The following GABRA3 variants were observed in gnomAD, a reference collection of about 807,000 sequenced individuals.
The protein encoded by GABRA3 is gamma-aminobutyric acid type A receptor subunit alpha3, also known as gamma-aminobutyric acid receptor subunit alpha-3.
A neutral mutation model predicts 30.1 loss-of-function variants in GABRA3; 10 were observed. The ratio of observed to expected loss-of-function variants is 0.33; its 90% CI spans 0.20 to 0.56. The LOEUF (loss-of-function observed/expected upper bound fraction) is 0.56. Among genes scored for constraint, GABRA3 ranks in the 20% least tolerant of loss-of-function variants. The pLI, the probability that GABRA3 is intolerant of heterozygous loss-of-function variation, is 0.89. For missense variants in GABRA3, 233 were observed against 392.0 expected (o/e 0.59, Z 3.42); for synonymous variants, 151 against 146.8 (o/e 1.03, Z -0.21).
chrX:152,375,209 C>T (rs752743119), intron 1 of GABRA3, among the ~76,000 whole-genome samples: 1 of 111,995 alleles, frequency 8.9e-6, no homozygotes, highest in African/African-American at 3.2e-5. Flanking sequence ...AGGCATCACA[C>T]TCCCCGCTTC....
intron 5 of GABRA3, among the ~76,000 whole-genome samples, chrX:152,253,251 G>A (rs1033509056): frequency 9.0e-6 from 1 of 111,034 alleles, no homozygotes; most frequent in Non-Finnish European, 1.9e-5. Flanking sequence ...CCATTTTCAC[G>A]TTTCCATTTG....
intron 3 of GABRA3, among the ~76,000 whole-genome samples, chrX:152,331,902 C>T (rs765490633): frequency 5.5e-4 from 62 of 111,801 alleles, no homozygotes; most frequent in African/African-American, 1.9e-3. Context: ...TTAATATATA[C>T]CTAATTAATG....
At chrX:152,442,737 T>C (rs1228490730) in intron 1 of GABRA3, among the ~76,000 whole-genome samples, 2 of 112,025 alleles carry the variant, frequency 1.8e-5, no homozygotes. Flanking sequence ...AAACAGAATC[T>C]ATTATATATT....
chrX:152,341,699 C>G (rs1205186179), intron 3 of GABRA3, among the ~76,000 whole-genome samples: 2 of 107,793 alleles, frequency 1.9e-5, no homozygotes, highest in Admixed American at 1.0e-4. Context: ...ACCACTACCC[C>G]CCGCTAATTT....
intron 1 of GABRA3, among the ~76,000 whole-genome samples, chrX:152,365,807 A>C (rs1279000056): frequency 9.0e-6 from 1 of 111,677 alleles, no homozygotes; most frequent in Non-Finnish European, 1.9e-5. Flanking sequence ...ATCTATATTA[A>C]GCTGTCTTCA....
At chrX:152,430,148 A>G (rs1930617861) in intron 1 of GABRA3, among the ~76,000 whole-genome samples, 1 of 112,059 alleles carries the variant, frequency 8.9e-6, no homozygotes, top group Non-Finnish European at 1.9e-5. Context: ...GAATATAGTG[A>G]TGACAACTAA....
At chrX:152,255,644 A>G in intron 5 of GABRA3, 134 bp downstream of exon 5, 1 of 508,351 alleles carries the variant, frequency 2.0e-6, no homozygotes, top group South Asian at 3.0e-5. Flanking sequence ...CAATTGTATT[A>G]GGAAGTATAT....
chrX:152,209,356 C>T (rs546108285), intron 6 of GABRA3, among the ~76,000 whole-genome samples: 73 of 111,184 alleles, frequency 6.6e-4, no homozygotes, highest in Non-Finnish European at 8.5e-4. Context: ...TTAACTCTTT[C>T]CACCGTGGAT....
At chrX:152,426,768 A>G (rs1211722636) in intron 1 of GABRA3, among the ~76,000 whole-genome samples, 1 of 112,250 alleles carries the variant, frequency 8.9e-6, no homozygotes. Flanking sequence ...AAAAATGATA[A>G]GAGCAAATAT....
Position 152,321,135 on chromosome X carries a change from A to G in GABRA3, c.262+24446T>C, listed in dbSNP as rs534200393. On this transcript the variant is annotated intron_variant, in intron 3 of 9. Coordinates refer to ENST00000370314, the MANE Select transcript of GABRA3 (RefSeq NM_000808.4). Reference sequence around the variant, plus strand: ...AATTGGATGATTCAAGGTGGAGAATAAGAAGGAAAAGATAGGGTAAAGATA... The same window carrying G: ...AATTGGATGATTCAAGGTGGAGAATGAGAAGGAAAAGATAGGGTAAAGATA... 2.8e-4 allele frequency among the ~76,000 whole-genome samples: 31 copies of G among 111,502 alleles called. No homozygotes were observed. In the East Asian group the frequency reaches 5.4e-3, roughly 19 times the overall value.
chrX:152,448,317 C>T (rs779835519), intron 1 of GABRA3, among the ~76,000 whole-genome samples: 2 of 112,347 alleles, frequency 1.8e-5, no homozygotes, highest in East Asian at 5.6e-4. Context: ...TATTTTTACA[C>T]ATTAAAGTTT....
intron 7 of GABRA3, among the ~76,000 whole-genome samples, chrX:152,199,381 A>G (rs968592782): frequency 1.7e-4 from 19 of 109,136 alleles, no homozygotes; most frequent in Admixed American, 4.9e-4. Flanking sequence ...AAAAAAATAA[A>G]AAAAGCAAAA....
intron 7 of GABRA3, among the ~76,000 whole-genome samples, chrX:152,198,743 T>C (rs1002002289): frequency 8.9e-6 from 1 of 112,083 alleles, no homozygotes; most frequent in African/African-American, 3.3e-5. Context: ...CACTTCTTTT[T>C]TCTGTCTCAC....
intron 1 of GABRA3, among the ~76,000 whole-genome samples, chrX:152,407,535 C>T (rs1343346139): frequency 9.0e-6 from 1 of 111,332 alleles, no homozygotes; most frequent in African/African-American, 3.3e-5. Flanking sequence ...ATGAAGAAAT[C>T]CAAAAGCTGA....
chrX:152,258,685 A>G (rs917941952), intron 4 of GABRA3, among the ~76,000 whole-genome samples: 78 of 111,890 alleles, frequency 7.0e-4, no homozygotes, highest in African/African-American at 2.2e-3. Flanking sequence ...AAGACATACT[A>G]CCTACATAGA....
At chrX:152,181,710 T>C (rs1011747923) in intron 9 of GABRA3, among the ~76,000 whole-genome samples, 2 of 109,790 alleles carry the variant, frequency 1.8e-5, no homozygotes. Context: ...TTAGGAGATA[T>C]ACCTAATGCT....
At chrX:152,448,055 T>A (rs1162058812) in intron 1 of GABRA3, among the ~76,000 whole-genome samples, 4 of 112,617 alleles carry the variant, frequency 3.6e-5, no homozygotes, top group African/African-American at 1.3e-4. Context: ...TTCTAGTAAT[T>A]CATGGTTAAT....
chrX:152,317,874 G>A (rs1412217956), intron 3 of GABRA3, among the ~76,000 whole-genome samples: 6 of 111,250 alleles, frequency 5.4e-5, no homozygotes, highest in Non-Finnish European at 7.6e-5. Flanking sequence ...GTCTGAAAGA[G>A]CACAAATAGA....
intron 9 of GABRA3, among the ~76,000 whole-genome samples, chrX:152,171,578 G>A (rs1187585284): frequency 2.7e-5 from 3 of 111,369 alleles, no homozygotes; most frequent in East Asian, 2.8e-4. Context: ...AACTTTGACC[G>A]AATTGTCATA....
Sources: gnomAD v4.1 joint callset for allele counts (sites outside exome capture counted in the v4.1 genomes callset) on GRCh38, gnomAD v4.1.1 for gene constraint, MANE v1.5 for transcripts, NCBI Gene and HGNC (gene_info 2026-07-23, HGNC 2026-07-21) for gene names.